Variants in DCC observed in about 807,000 individuals in gnomAD.
The protein encoded by DCC is DCC netrin 1 receptor.
A neutral mutation model predicts 172.5 loss-of-function variants in DCC; 58 were observed. The ratio of observed to expected loss-of-function variants is 0.34; its 90% CI spans 0.27 to 0.42. The LOEUF (loss-of-function observed/expected upper bound fraction) is 0.42. Among genes scored for constraint, DCC ranks in the 10% least tolerant of loss-of-function variants. DCC has a pLI of 1.00. For synonymous variants in DCC, 709 were observed against 644.5 expected, an observed-to-expected ratio of 1.10 and a Z score of -1.52; for missense variants, 1,740 against 1,791.0, an observed-to-expected ratio of 0.97 and a Z score of 0.51.
chr18:52,610,895 G>T (rs1251590571), intron 1 of DCC, among the ~76,000 whole-genome samples: 1 of 151,992 alleles, frequency 6.6e-6, no homozygotes, highest in Non-Finnish European at 1.5e-5. Flanking sequence ...ACAGGTGGTG[G>T]GCTAGATTTT....
chr18:53,306,964 G>C (rs1343509367), intron 13 of DCC, among the ~76,000 whole-genome samples: 3 of 152,170 alleles, frequency 2.0e-5, no homozygotes, highest in Admixed American at 6.5e-5. Flanking sequence ...TGAGAAAAAA[G>C]AAAGTAATCC....
intron 2 of DCC, among the ~76,000 whole-genome samples, chr18:52,822,907 A>G (rs1180852271): frequency 6.6e-6 from 1 of 151,894 alleles, no homozygotes; most frequent in Non-Finnish European, 1.5e-5. Flanking sequence ...CATTACAGAA[A>G]GATGTTGGGA....
intron 15 of DCC, among the ~76,000 whole-genome samples, chr18:53,374,819 G>T (rs1192369665): frequency 6.6e-6 from 1 of 152,162 alleles, no homozygotes; most frequent in Non-Finnish European, 1.5e-5. Context: ...AAAATTAAAT[G>T]TTGGTTAATA....
chr18:52,984,745 C>A (rs1197192124), intron 5 of DCC, among the ~76,000 whole-genome samples: 2 of 151,998 alleles, frequency 1.3e-5, no homozygotes, highest in African/African-American at 4.8e-5. Context: ...AATTATGATT[C>A]CCTCCAGAGC....
At chr18:52,625,707 C>G (rs1202688114) in intron 1 of DCC, among the ~76,000 whole-genome samples, 1 of 152,180 alleles carries the variant, frequency 6.6e-6, no homozygotes, top group Non-Finnish European at 1.5e-5. Context: ...AAGAGCTGAG[C>G]TGTGTTCACA....
chr18:53,042,560 G>A (rs2042183286), intron 5 of DCC, among the ~76,000 whole-genome samples: 1 of 151,356 alleles, frequency 6.6e-6, no homozygotes, highest in South Asian at 2.1e-4. Context: ...CTATTGTTTG[G>A]AATAGTTTCA....
intron 1 of DCC, among the ~76,000 whole-genome samples, chr18:52,440,052 TAA>T (rs879579382): frequency 5.3e-5 from 8 of 152,188 alleles, no homozygotes; most frequent in Admixed American, 2.0e-4. Flanking sequence ...GGGTTGGATT[TAA>T]GAGAGGAGAA....
In DCC at chr18:52,638,581, G is replaced by A. The variant is rs541763572; in HGVS notation, c.92-113473G>A. On this transcript the variant is annotated intron_variant, in intron 1 of 28. Coordinates refer to ENST00000442544, the MANE Select transcript of DCC (RefSeq NM_005215.4). ...AGCAACAGCAGTTAAAAGAGACAAC[G>A]AGGGACATTATATAATGGTAAAAGG... 1.3e-3 allele frequency among the ~76,000 whole-genome samples: 199 copies of A among 152,240 alleles called. 1 individual carries two copies. The highest frequency in any genetic ancestry group is 3.4e-3 in the Middle Eastern group (1 of 294).
chr18:52,858,588 G>C (rs529693819), intron 2 of DCC, among the ~76,000 whole-genome samples: 1 of 152,130 alleles, frequency 6.6e-6, no homozygotes, highest in Non-Finnish European at 1.5e-5. Flanking sequence ...TGGGTCCCCC[G>C]TGTATCTGCA....
intron 1 of DCC, among the ~76,000 whole-genome samples, chr18:52,516,132 T>C (rs1345204098): frequency 6.6e-6 from 1 of 152,092 alleles, no homozygotes; most frequent in East Asian, 1.9e-4. Flanking sequence ...GGATCACCCC[T>C]AGATTGCTGG....
chr18:52,789,738 A>T (rs914026267), intron 2 of DCC, among the ~76,000 whole-genome samples: 3 of 152,174 alleles, frequency 2.0e-5, no homozygotes, highest in African/African-American at 7.2e-5. Context: ...GATCTGACCC[A>T]AACAACTCCA....
At chr18:52,958,628 A>G (rs1362088893) in intron 5 of DCC, among the ~76,000 whole-genome samples, 1 of 151,976 alleles carries the variant, frequency 6.6e-6, no homozygotes, top group South Asian at 2.1e-4. Flanking sequence ...GGAGACACGG[A>G]AACACATCAG....
chr18:52,405,529 A>T (rs571902086), intron 1 of DCC, among the ~76,000 whole-genome samples: 2 of 151,484 alleles, frequency 1.3e-5, no homozygotes, highest in South Asian at 4.2e-4. Context: ...CACCAACAAC[A>T]GACAAACAGA....
intron 27 of DCC, among the ~76,000 whole-genome samples, chr18:53,511,935 C>A (rs1185015381): frequency 6.6e-6 from 1 of 152,226 alleles, no homozygotes; most frequent in African/African-American, 2.4e-5. Flanking sequence ...ACAAAGCAAC[C>A]AGGAAGCTCG....
chr18:53,075,141 G>A (rs374323290), intron 7 of DCC, among the ~76,000 whole-genome samples: 1 of 152,142 alleles, frequency 6.6e-6, no homozygotes, highest in East Asian at 1.9e-4. Flanking sequence ...TAATGACAAT[G>A]TCCATTCAAA....
At chr18:53,389,501 C>T (rs938568838) in intron 16 of DCC, among the ~76,000 whole-genome samples, 10 of 152,166 alleles carry the variant, frequency 6.6e-5, no homozygotes, top group Non-Finnish European at 1.5e-4. Context: ...TAGTGCTACA[C>T]AGGAAGTGAA....
rs568991406 is a variant in DCC at position 53,033,796 on chromosome 18, T to A, written c.986-29509T>A. ...AGTTGCTTTTACTATAAAACTTCTC[T>A]ATAATGTAGTCTTATACAGTCTGTC... On this transcript the variant is annotated intron_variant, in intron 5 of 28. Transcript: ENST00000442544. Among the ~76,000 whole-genome samples the A allele has an allele frequency of 2.6e-5, 4 of 152,284 alleles. No individual in the cohort carries two copies. The South Asian group carries it at 8.3e-4, about 32-fold the overall frequency.
intron 1 of DCC, among the ~76,000 whole-genome samples, chr18:52,517,917 A>G (rs1417582312): frequency 6.6e-6 from 1 of 152,154 alleles, no homozygotes; most frequent in African/African-American, 2.4e-5. Context: ...TCATTGCTGC[A>G]TATTATTCTT....
chr18:53,310,950 C>T (rs962986840), intron 13 of DCC, among the ~76,000 whole-genome samples: 2 of 145,992 alleles, frequency 1.4e-5, no homozygotes, highest in African/African-American at 2.5e-5. Flanking sequence ...CTAGTTACAC[C>T]GTACTACCCT....
Sources: allele counts gnomAD v4.1 joint callset (sites outside exome capture counted in the v4.1 genomes callset), GRCh38; gene constraint gnomAD v4.1.1; transcripts MANE v1.5; gene names NCBI Gene and HGNC (gene_info 2026-07-23, HGNC 2026-07-21).